SPAST: variants seen among roughly 807,000 people sequenced by gnomAD.
SPAST encodes the protein spastin.
In SPAST, 30 loss-of-function variants were observed where a neutral mutation model predicts 76.6. The ratio of observed to expected loss-of-function variants is 0.39; its 90% CI spans 0.29 to 0.53. The LOEUF is 0.53. SPAST is among the 20% of genes least tolerant of loss of function. The probability of loss-of-function intolerance (pLI) is 0.68; values close to 1 mark genes in which losing one functional copy is unlikely to be tolerated. For synonymous variants in SPAST, 305 were observed against 281.0 expected, an observed-to-expected ratio of 1.09 and a Z score of -0.86; for missense variants, 717 against 770.5, an observed-to-expected ratio of 0.93 and a Z score of 0.82.
chr2:32,083,746 TATACTATATATATATATATATATATA>T (rs1677342420), intron 1 of SPAST, among the ~76,000 whole-genome samples: 3 of 59,562 alleles, frequency 5.0e-5, no homozygotes, highest in African/African-American at 1.9e-4. Context: ...TATATTTATA[TATACTATATATATATATATATATATA>T]TATATTTTTT....
intron 1 of SPAST, among the ~76,000 whole-genome samples, chr2:32,069,539 A>G (rs911893504): frequency 7.3e-5 from 11 of 150,730 alleles, no homozygotes; most frequent in Non-Finnish European, 1.2e-4. Flanking sequence ...TTCCCTTGGC[A>G]ACATGACTTA....
chr2:32,119,936 A>G (rs1678960732), intron 7 of SPAST, among the ~76,000 whole-genome samples: 1 of 151,096 alleles, frequency 6.6e-6, no homozygotes, highest in African/African-American at 2.4e-5. Flanking sequence ...CTTAAATGTG[A>G]TTCTTTGAGA....
Position 32,114,670 on chromosome 2 carries a change from T to G in SPAST, c.715T>G (p.Leu239Val). Residue 239 changes from leucine to valine, a missense_variant, in exon 5 of 17, where the codon TTA becomes GTA. By Grantham distance (32) the Leu-to-Val change is conservative. Transcript: ENST00000315285. ...SGAVPKRKDP[L>V]THTSNSLPRS... ...AGCTGTTCCAAAAAGAAAAGACCCC[T>G]TAACACACACTAGTAATTCACTGCC... 1.9e-6 allele frequency: 3 copies of G among 1,614,192 alleles called. No homozygotes were observed. Among genetic ancestry groups the G allele is most frequent in the Non-Finnish European group, 2.5e-6 (3 of 1,180,028 alleles).
chr2:32,149,208 GCCTCCTGCGTA>G (rs1679994435), intron 16 of SPAST, among the ~76,000 whole-genome samples: 1 of 150,614 alleles, frequency 6.6e-6, no homozygotes, highest in Non-Finnish European at 1.5e-5. Flanking sequence ...TCCTGCCTCA[GCCTCCTGCGTA>G]GCTGAGATTA....
intron 4 of SPAST, among the ~76,000 whole-genome samples, chr2:32,111,879 TC>T (rs1359265908): frequency 6.6e-6 from 1 of 151,166 alleles, no homozygotes; most frequent in African/African-American, 2.4e-5. Flanking sequence ...TCATACTTGT[TC>T]CTTGTGGAAA....
chr2:32,136,094 A>G (rs1014819363), intron 9 of SPAST, among the ~76,000 whole-genome samples: 1 of 152,138 alleles, frequency 6.6e-6, no homozygotes, highest in African/African-American at 2.4e-5. Context: ...AAAAAGGAAA[A>G]AAAAAAAAGA....
intron 16 of SPAST, among the ~76,000 whole-genome samples, chr2:32,150,239 A>AT (rs11363493): frequency 0.012 from 792 of 66,574 alleles, 12 homozygotes; most frequent in African/African-American, 0.023. Flanking sequence ...CGCCCAGCTA[A>AT]TTTTTTTTTT....
At chr2:32,140,945 T>A (rs1358594111) in intron 12 of SPAST, among the ~76,000 whole-genome samples, 1 of 58,874 alleles carries the variant, frequency 1.7e-5, no homozygotes, top group South Asian at 7.9e-4. Flanking sequence ...TTGTTGTTGT[T>A]TTTTTTTTTT....
At chr2:32,111,558 C>G (rs920646450) in intron 4 of SPAST, among the ~76,000 whole-genome samples, 2 of 151,162 alleles carry the variant, frequency 1.3e-5, no homozygotes, top group African/African-American at 4.8e-5. Flanking sequence ...ACCCCAAAGC[C>G]ACGTATTATA....
intron 15 of SPAST, 54 bp from the exon 16 acceptor site, chr2:32,147,164 A>T: frequency 7.5e-7 from 1 of 1,331,730 alleles, no homozygotes; most frequent in Non-Finnish European, 1.1e-6. Context: ...CCCTTCAACA[A>T]TTTCAACTGC....
At chr2:32,074,740 C>T (rs990493084) in intron 1 of SPAST, among the ~76,000 whole-genome samples, 5 of 152,094 alleles carry the variant, frequency 3.3e-5, no homozygotes, top group Admixed American at 2.0e-4. Flanking sequence ...CTCCGGACCT[C>T]AAGCAATCCA....
At chr2:32,078,816 T>TA (rs1378082602) in intron 1 of SPAST, among the ~76,000 whole-genome samples, 2 of 152,182 alleles carry the variant, frequency 1.3e-5, no homozygotes, top group Non-Finnish European at 2.9e-5. Flanking sequence ...CTTTTTCACT[T>TA]ACCATATTTT....
chr2:32,077,973 T>TG (rs70938317), intron 1 of SPAST: 60,776 of 151,476 alleles, frequency 0.4, 12,455 homozygotes, highest in East Asian at 0.64. Flanking sequence ...TGTTTTTTTT[T>TG]TTTGTTTGTT....
intron 9 of SPAST, among the ~76,000 whole-genome samples, chr2:32,135,608 G>A (rs954047481): frequency 6.6e-6 from 1 of 152,050 alleles, no homozygotes; most frequent in Non-Finnish European, 1.5e-5. Flanking sequence ...GTCAGCACCT[G>A]GGAATGTCTC....
At chr2:32,071,682 G>A (rs182337551) in intron 1 of SPAST, among the ~76,000 whole-genome samples, 1 of 152,300 alleles carries the variant, frequency 6.6e-6, no homozygotes, top group East Asian at 1.9e-4. Context: ...CTTCCAGGTC[G>A]TAGGCAGATT....
intron 3 of SPAST, among the ~76,000 whole-genome samples, chr2:32,096,793 C>T (rs542490186): frequency 7.9e-5 from 12 of 151,466 alleles, no homozygotes; most frequent in African/African-American, 2.4e-4. Flanking sequence ...TTGATTTATG[C>T]TTTTACTGAG....
At chr2:32,111,781 A>C (rs1678618430) in intron 4 of SPAST, among the ~76,000 whole-genome samples, 1 of 151,516 alleles carries the variant, frequency 6.6e-6, no homozygotes, top group Non-Finnish European at 1.5e-5. Flanking sequence ...TTTTAATGTG[A>C]CAGGTCACTT....
chr2:32,128,686 T>G (rs1447640200), intron 9 of SPAST: 2 of 561,622 alleles, frequency 3.6e-6, no homozygotes, highest in East Asian at 6.2e-5. Context: ...ACTGGGGCCA[T>G]GTAATAAAAT....
At chr2:32,104,725 G>T (rs1678254309) in intron 4 of SPAST, among the ~76,000 whole-genome samples, 1 of 152,128 alleles carries the variant, frequency 6.6e-6, no homozygotes. Flanking sequence ...TAGTTTGGCT[G>T]GATATGAAAC....
Sources: gnomAD v4.1 joint callset for allele counts (sites outside exome capture counted in the v4.1 genomes callset) on GRCh38, gnomAD v4.1.1 for gene constraint, MANE v1.5 for transcripts, NCBI Gene and HGNC (gene_info 2026-07-23, HGNC 2026-07-21) for gene names.